Variants in GALNTL6 observed in about 807,000 individuals in gnomAD.
GALNTL6 encodes polypeptide N-acetylgalactosaminyltransferase like 6.
A neutral mutation model predicts 73.7 loss-of-function variants in GALNTL6; 46 were observed. The ratio of observed to expected loss-of-function variants is 0.62; its 90% CI spans 0.49 to 0.80. The LOEUF (loss-of-function observed/expected upper bound fraction) is 0.80, where lower values mean the gene tolerates loss of function less well. GALNTL6 is among the 30% of genes least tolerant of loss of function. The pLI, the probability that GALNTL6 is intolerant of heterozygous loss-of-function variation, is 0.00. For missense variants in GALNTL6, 604 were observed against 755.0 expected, an observed-to-expected ratio of 0.80 and a Z score of 2.34; for synonymous variants, 259 against 263.7, an observed-to-expected ratio of 0.98 and a Z score of 0.17.
intron 2 of GALNTL6, among the ~76,000 whole-genome samples, chr4:172,036,107 A>G (rs1741922516): frequency 6.6e-6 from 1 of 152,100 alleles, no homozygotes; most frequent in Non-Finnish European, 1.5e-5. Flanking sequence ...AAGTATCCCA[A>G]AAGTTCTCTA....
intron 12 of GALNTL6, among the ~76,000 whole-genome samples, chr4:173,022,081 AGG>A (rs1209678041): frequency 6.9e-4 from 98 of 141,320 alleles, no homozygotes; most frequent in East Asian, 1.9e-3. Context: ...GAAGGAAGGA[AGG>A]AAGGAAAGAA....
At chr4:172,193,803 C>A (rs973675627) in intron 2 of GALNTL6, among the ~76,000 whole-genome samples, 2 of 152,106 alleles carry the variant, frequency 1.3e-5, no homozygotes, top group Non-Finnish European at 2.9e-5. Context: ...GCGGAACTTG[C>A]AGTGAGCTGA....
chr4:172,858,082 A>G (rs1464540332), intron 7 of GALNTL6, among the ~76,000 whole-genome samples: 1 of 152,062 alleles, frequency 6.6e-6, no homozygotes, highest in African/African-American at 2.4e-5. Context: ...ATAGTACTCA[A>G]TTTAGATATA....
intron 5 of GALNTL6, among the ~76,000 whole-genome samples, chr4:172,418,538 G>A (rs1474702222): frequency 1.3e-5 from 2 of 152,180 alleles, no homozygotes; most frequent in Non-Finnish European, 2.9e-5. Flanking sequence ...TCAACCCACA[G>A]CCTGAGGCTG....
chr4:171,845,763 T>C (rs991420036), intron 2 of GALNTL6, among the ~76,000 whole-genome samples: 2 of 152,142 alleles, frequency 1.3e-5, no homozygotes, highest in Non-Finnish European at 2.9e-5. Context: ...TGCTTTGAAA[T>C]GTTATGTTAA....
At chr4:172,996,188 A>C (rs943021062) in intron 10 of GALNTL6, among the ~76,000 whole-genome samples, 5 of 151,800 alleles carry the variant, frequency 3.3e-5, no homozygotes, top group Non-Finnish European at 5.9e-5. Flanking sequence ...ACACACACAC[A>C]CCATGGAATA....
chr4:172,579,855 A>G (rs1560818954), intron 5 of GALNTL6, among the ~76,000 whole-genome samples: 3 of 141,912 alleles, frequency 2.1e-5, no homozygotes, highest in Non-Finnish European at 3.1e-5. Context: ...GGAAAGAAAG[A>G]AGGGAGGGAG....
At chr4:172,170,624 T>C (rs1734785053) in intron 2 of GALNTL6, among the ~76,000 whole-genome samples, 1 of 151,278 alleles carries the variant, frequency 6.6e-6, no homozygotes, top group Non-Finnish European at 1.5e-5. Context: ...GTTATTCTGG[T>C]GCCTCAACCT....
intron 2 of GALNTL6, among the ~76,000 whole-genome samples, chr4:172,150,523 C>A (rs941534081): frequency 2.0e-5 from 3 of 152,164 alleles, no homozygotes; most frequent in African/African-American, 7.2e-5. Flanking sequence ...AGAAAGTGTT[C>A]TTTTAGCCAA....
At chr4:172,866,206 G>T (rs944731656) in intron 7 of GALNTL6, among the ~76,000 whole-genome samples, 1 of 152,120 alleles carries the variant, frequency 6.6e-6, no homozygotes, top group African/African-American at 2.4e-5. Context: ...CTCTAAAATA[G>T]AAATCTGATT....
At chr4:171,983,068 A>G (rs1048848794) in intron 2 of GALNTL6, among the ~76,000 whole-genome samples, 20 of 152,088 alleles carry the variant, frequency 1.3e-4, no homozygotes, top group Admixed American at 3.3e-4. Flanking sequence ...TTTGAAAAAA[A>G]CTCAGGTGAC....
intron 2 of GALNTL6, among the ~76,000 whole-genome samples, chr4:172,064,764 A>G (rs72698971): frequency 0.02 from 3,075 of 152,310 alleles, 35 homozygotes; most frequent in Non-Finnish European, 0.03. Flanking sequence ...TAATCAATTT[A>G]GCAATCCTGG....
At chr4:172,521,709 C>A (rs1275601606) in intron 5 of GALNTL6, among the ~76,000 whole-genome samples, 1 of 152,194 alleles carries the variant, frequency 6.6e-6, no homozygotes, top group African/African-American at 2.4e-5. Context: ...TCTCCAGAGA[C>A]TTTTATCTCT....
intron 2 of GALNTL6, among the ~76,000 whole-genome samples, chr4:171,924,174 C>CCA (rs758448133): frequency 1.4e-3 from 168 of 118,566 alleles, no homozygotes; most frequent in African/African-American, 1.7e-3. Context: ...AAAAAATACA[C>CCA]CACACACATA....
chr4:172,599,971 T>C (rs1462343369), intron 5 of GALNTL6, among the ~76,000 whole-genome samples: 1 of 152,122 alleles, frequency 6.6e-6, no homozygotes, highest in Non-Finnish European at 1.5e-5. Flanking sequence ...AAATTTTTTA[T>C]GAAAATACTG....
At chr4:172,872,686 A>G (rs1046109138) in intron 7 of GALNTL6, among the ~76,000 whole-genome samples, 1 of 152,194 alleles carries the variant, frequency 6.6e-6, no homozygotes, top group African/African-American at 2.4e-5. Flanking sequence ...TCTGCTTAAG[A>G]GTCAAACCAG....
intron 5 of GALNTL6, among the ~76,000 whole-genome samples, chr4:172,491,675 A>G (rs555143665): frequency 6.6e-6 from 1 of 152,262 alleles, no homozygotes; most frequent in Admixed American, 6.5e-5. Flanking sequence ...CTGGAAAGAT[A>G]AGGTTTATCT....
intron 2 of GALNTL6, among the ~76,000 whole-genome samples, chr4:171,840,034 T>C (rs1735198331): frequency 6.6e-6 from 1 of 152,160 alleles, no homozygotes; most frequent in Non-Finnish European, 1.5e-5. Flanking sequence ...AGAATGACCT[T>C]AGGCTAGGTA....
intron 2 of GALNTL6, among the ~76,000 whole-genome samples, chr4:172,169,166 T>A (rs1455816885): frequency 6.6e-6 from 1 of 151,770 alleles, no homozygotes; most frequent in Non-Finnish European, 1.5e-5. Flanking sequence ...AAGTAAACAA[T>A]GAGATTGGAT....
Sources: allele counts gnomAD v4.1 joint callset (sites outside exome capture counted in the v4.1 genomes callset), GRCh38; gene constraint gnomAD v4.1.1; transcripts MANE v1.5; gene names NCBI Gene and HGNC (gene_info 2026-07-23, HGNC 2026-07-21).